The following ABCC4 variants were observed in gnomAD, a reference collection of about 807,000 sequenced individuals.
ABCC4 encodes the protein ATP binding cassette subfamily C member 4 (PEL blood group).
A neutral mutation model predicts 168.5 loss-of-function variants in ABCC4; 102 were observed. The observed-to-expected ratio is 0.61, with a 90% CI of 0.52 to 0.71. The LOEUF (loss-of-function observed/expected upper bound fraction) is 0.71, where lower values mean the gene tolerates loss of function less well. ABCC4 is among the 30% of genes least tolerant of loss of function. ABCC4 has a pLI of 0.00. For synonymous variants in ABCC4, 617 were observed against 590.7 expected (o/e 1.04, Z -0.65); for missense variants, 1,402 against 1,605.8 (o/e 0.87, Z 2.17).
chr13:95,127,099 C>T (rs942559992), intron 19 of ABCC4, among the ~76,000 whole-genome samples: 7 of 151,822 alleles, frequency 4.6e-5, no homozygotes, highest in South Asian at 4.2e-4. Flanking sequence ...CCTATCCAAA[C>T]GCCCCACAAC....
At chr13:95,239,513 G>A (rs1215678986) in intron 3 of ABCC4, among the ~76,000 whole-genome samples, 2 of 152,176 alleles carry the variant, frequency 1.3e-5, no homozygotes, top group African/African-American at 4.8e-5. Context: ...ACCAGAAAAT[G>A]AGGAAGTTGC....
chr13:95,183,745 C>T (rs936619410), intron 11 of ABCC4, among the ~76,000 whole-genome samples: 2 of 152,128 alleles, frequency 1.3e-5, no homozygotes, highest in African/African-American at 4.8e-5. Flanking sequence ...AACCCCATCT[C>T]TACTAAAAGT....
chr13:95,075,286 G>A (rs2033858726), intron 22 of ABCC4, 146 bp downstream of exon 22: 1 of 1,020,212 alleles, frequency 9.8e-7, no homozygotes, highest in Non-Finnish European at 1.5e-6. Context: ...AGAAGGGGAT[G>A]GGGAAGGAGA....
At chr13:95,053,021 C>T (rs2139263837) in intron 27 of ABCC4, 74 bp downstream of exon 27, 1 of 1,312,632 alleles carries the variant, frequency 7.6e-7, no homozygotes, top group East Asian at 2.3e-5. Context: ...CTCTTAATTT[C>T]CTGCAATGCT....
At chr13:95,187,384 G>A (rs1751010) in intron 10 of ABCC4, among the ~76,000 whole-genome samples, 1 of 151,878 alleles carries the variant, frequency 6.6e-6, no homozygotes, top group Non-Finnish European at 1.5e-5. Context: ...GCGGGTGGAT[G>A]ACTTGAGGCC....
intron 4 of ABCC4, among the ~76,000 whole-genome samples, chr13:95,219,270 C>A (rs1357764414): frequency 6.6e-6 from 1 of 152,132 alleles, no homozygotes; most frequent in Non-Finnish European, 1.5e-5. Flanking sequence ...CAAGCCCCAA[C>A]TGAACTGGTT....
chr13:95,028,939 G>A (rs2031676321), intron 30 of ABCC4, among the ~76,000 whole-genome samples: 1 of 152,102 alleles, frequency 6.6e-6, no homozygotes, highest in South Asian at 2.1e-4. Flanking sequence ...GCCAAGGTGG[G>A]TGGGTTACCT....
chr13:95,206,841 G>A (rs1008277593), intron 7 of ABCC4, 60 bp from the exon 8 acceptor site: 8 of 1,572,608 alleles, frequency 5.1e-6, no homozygotes, highest in East Asian at 2.2e-5. Flanking sequence ...AGTGGCTCAC[G>A]CCTGCAATCT....
Position 95,260,567 on chromosome 13 carries a change from G to A in ABCC4, c.75-12814C>T, listed in dbSNP as rs369431816. The stretch of plus-strand genomic sequence containing the variant: ...GGGACACAGTTTGAGCAAACTTTAG[G>A]AAAAGAATTTGGAGTTTACCAAGAA... On this transcript the variant is annotated intron_variant, in intron 1 of 30. Coordinates refer to ENST00000645237, the MANE Select transcript of ABCC4 (RefSeq NM_005845.5). 1.2e-3 allele frequency among the ~76,000 whole-genome samples: 188 copies of A among 152,254 alleles called. 1 individual carries two copies. The South Asian group carries it at 0.033, about 27-fold the overall frequency.
intron 3 of ABCC4, among the ~76,000 whole-genome samples, chr13:95,235,051 G>A (rs960995455): frequency 6.6e-6 from 1 of 151,426 alleles, no homozygotes; most frequent in African/African-American, 2.4e-5. Flanking sequence ...CCATCATGTA[G>A]AGCTAAATTT....
chr13:95,293,896 C>T (rs1020917197), intron 1 of ABCC4, among the ~76,000 whole-genome samples: 13 of 151,560 alleles, frequency 8.6e-5, no homozygotes, highest in Admixed American at 7.9e-4. Flanking sequence ...TTCTCCTGCT[C>T]GGTCTCCCAA....
At chr13:95,272,237 C>G (rs547961909) in intron 1 of ABCC4, among the ~76,000 whole-genome samples, 1 of 151,840 alleles carries the variant, frequency 6.6e-6, no homozygotes. Flanking sequence ...CTAGAGATAG[C>G]GTTTCACCAC....
At chr13:95,177,858 G>T in intron 12 of ABCC4, 65 bp from the exon 13 acceptor site, 1 of 1,522,538 alleles carries the variant, frequency 6.6e-7, no homozygotes, top group Non-Finnish European at 9.1e-7. Flanking sequence ...CAACTGGGAT[G>T]TTCATTCAAA....
At chr13:95,156,410 C>T (rs1176329439) in intron 19 of ABCC4, among the ~76,000 whole-genome samples, 1 of 152,148 alleles carries the variant, frequency 6.6e-6, no homozygotes, top group Non-Finnish European at 1.5e-5. Context: ...CCCTCTTGTG[C>T]TGGATATCAA....
intron 13 of ABCC4, among the ~76,000 whole-genome samples, 186 bp from the exon 14 acceptor site, chr13:95,170,814 C>T (rs1040165478): frequency 1.3e-5 from 2 of 152,118 alleles, no homozygotes; most frequent in Admixed American, 6.5e-5. Flanking sequence ...GCAGCAAATA[C>T]GAGCCTTGCT....
At chr13:95,244,907 A>AAGAG (rs1555336490) in intron 3 of ABCC4, among the ~76,000 whole-genome samples, 6 of 150,682 alleles carry the variant, frequency 4.0e-5, no homozygotes. Flanking sequence ...CCACCCCGCT[A>AAGAG]AAAGACCAGC....
intron 25 of ABCC4, among the ~76,000 whole-genome samples, chr13:95,066,638 C>T (rs2033557141): frequency 6.6e-6 from 1 of 152,232 alleles, no homozygotes; most frequent in South Asian, 2.1e-4. Context: ...GGCCCTATCA[C>T]TTGCATTTTG....
At chr13:95,239,177 A>T (rs1028422527) in intron 3 of ABCC4, among the ~76,000 whole-genome samples, 25 of 143,906 alleles carry the variant, frequency 1.7e-4, no homozygotes, top group African/African-American at 5.9e-4. Context: ...AAAAAAAAAA[A>T]ATTTAAATTA....
chr13:95,201,454 C>A (rs1194488612), intron 8 of ABCC4, among the ~76,000 whole-genome samples: 1 of 152,124 alleles, frequency 6.6e-6, no homozygotes, highest in East Asian at 1.9e-4. Context: ...AGGCATTTTC[C>A]AAATCTCATA....
Sources: gnomAD v4.1 joint callset for allele counts (sites outside exome capture counted in the v4.1 genomes callset) on GRCh38, gnomAD v4.1.1 for gene constraint, MANE v1.5 for transcripts, NCBI Gene and HGNC (gene_info 2026-07-23, HGNC 2026-07-21) for gene names.